The following CLCA4 variants were observed in gnomAD, a reference collection of about 807,000 sequenced individuals.
CLCA4 encodes calcium-activated chloride channel regulator 4.
In CLCA4, 69 loss-of-function variants were observed where a neutral mutation model predicts 78.9. That is an observed-to-expected ratio of 0.87 (90% CI 0.72 to 1.07). The LOEUF (loss-of-function observed/expected upper bound fraction) is 1.07, where lower values mean the gene tolerates loss of function less well. Ranked by LOEUF, CLCA4 falls within the 50% of genes least tolerant of loss-of-function variation. The pLI is 0.00. For synonymous variants in CLCA4, 362 were observed against 375.8 expected, an observed-to-expected ratio of 0.96 and a Z score of 0.42; for missense variants, 1,133 against 1,095.8, an observed-to-expected ratio of 1.03 and a Z score of -0.48.
Position 86,580,493 on chromosome 1 carries a change from G to T in CLCA4, c.*148G>T. 1 of 525,462 alleles carries T rather than the reference G, an allele frequency of 1.9e-6. No individual in the cohort carries two copies. The highest frequency in any genetic ancestry group is 6.8e-5 in the South Asian group (1 of 14,712). 32.5% of individuals were successfully genotyped at this position (525,462 alleles called of 1,614,324 possible). On this transcript the variant is annotated 3_prime_UTR_variant, in exon 14 of 14. Transcript: ENST00000370563. ...AAATAATTTTAAGATGTCGGAAAAG[G>T]ATACTTTGATTAAATAAAAACACTC... is the stretch of plus-strand genomic sequence containing the variant.
chr1:86,555,777 A>G (rs1024338999), intron 1 of CLCA4, among the ~76,000 whole-genome samples: 10 of 152,160 alleles, frequency 6.6e-5, no homozygotes, highest in Non-Finnish European at 1.5e-4. Flanking sequence ...GAATCTATAA[A>G]TTGCTTTGGG....
At chr1:86,566,100 T>C (rs1168835391) in intron 6 of CLCA4, 80 bp downstream of exon 6, 1 of 1,201,446 alleles carries the variant, frequency 8.3e-7, no homozygotes, top group Non-Finnish European at 1.2e-6. Context: ...TGCACCTAGA[T>C]TGTTCTAAAT....
chr1:86,565,475 C>T, intron 5 of CLCA4, 24 bp downstream of exon 5: 1 of 1,505,656 alleles, frequency 6.6e-7, no homozygotes, highest in Non-Finnish European at 9.0e-7. Flanking sequence ...TAATTGCTTC[C>T]AGAATTTATA....
chr1:86,552,909 C>T, intron 1 of CLCA4: 1 of 675,192 alleles, frequency 1.5e-6, no homozygotes, highest in Non-Finnish European at 2.7e-6. Flanking sequence ...ATCCATCTCC[C>T]AGACGCTCCT....
At chr1:86,554,861 T>G (rs1342590857) in intron 1 of CLCA4, among the ~76,000 whole-genome samples, 2 of 125,050 alleles carry the variant, frequency 1.6e-5, no homozygotes, top group East Asian at 4.4e-4. Context: ...AAGCATCTGG[T>G]TTTTTTTTTT....
chr1:86,577,876 C>A, intron 11 of CLCA4, 26 bp from the exon 12 acceptor site: 1 of 1,592,926 alleles, frequency 6.3e-7, no homozygotes, highest in Non-Finnish European at 8.6e-7. Flanking sequence ...CTTTACAAGA[C>A]TTTATTCCTT....
intron 6 of CLCA4, 137 bp downstream of exon 6, chr1:86,566,157 A>C: frequency 1.7e-6 from 1 of 574,042 alleles, no homozygotes; most frequent in Non-Finnish European, 2.8e-6. Context: ...CATGACTTCA[A>C]GATACTGCAG....
intron 1 of CLCA4, among the ~76,000 whole-genome samples, chr1:86,557,884 T>C (rs1649898823): frequency 6.6e-6 from 1 of 152,192 alleles, no homozygotes; most frequent in African/African-American, 2.4e-5. Flanking sequence ...TGGGCATATA[T>C]ATATTTAGAA....
At chr1:86,552,949 G>A in intron 1 of CLCA4, 2 of 639,234 alleles carry the variant, frequency 3.1e-6, no homozygotes, top group Non-Finnish European at 5.7e-6. Context: ...CGTCTGTGCT[G>A]AGGTGACTGG....
chr1:86,553,396 G>T, intron 1 of CLCA4: 1 of 464,492 alleles, frequency 2.2e-6, no homozygotes, highest in Non-Finnish European at 3.9e-6. Flanking sequence ...CATCCCACAC[G>T]AAGGCCACAG....
Position 86,547,108 on chromosome 1 carries a change from TA to T in CLCA4, c.-11del, listed in dbSNP as rs766948343. ...AACCAACATTTGAGCCAGGAATAAC[TA>T]GAGAGGAACAATGGGGTTATTCAGA... On this transcript the variant is annotated 5_prime_UTR_variant, in exon 1 of 14. Transcript: ENST00000370563. 5 of 1,595,368 alleles carry T rather than the reference TA, an allele frequency of 3.1e-6. No individual in the cohort carries two copies. The highest frequency in any genetic ancestry group is 4.3e-6 in the Non-Finnish European group (5 of 1,175,566).
chr1:86,567,762 C>A, intron 7 of CLCA4, 111 bp downstream of exon 7: 1 of 829,860 alleles, frequency 1.2e-6, no homozygotes, highest in Non-Finnish European at 1.9e-6. Flanking sequence ...ATAACTAATC[C>A]TAAGAGGCAC....
At chr1:86,574,195 T>G (rs1351866084) in intron 9 of CLCA4, among the ~76,000 whole-genome samples, 1 of 152,068 alleles carries the variant, frequency 6.6e-6, no homozygotes, top group Non-Finnish European at 1.5e-5. Flanking sequence ...ATATATTTAC[T>G]GTCCAGTGCT....
rs1165935174 is a variant in CLCA4, at chr1:86,578,031, C to T, written c.2081C>T (p.Pro694Leu). The T allele has an allele frequency of 4.3e-6, 7 of 1,612,574 alleles. No individual in the cohort carries two copies. In the Admixed American group the frequency reaches 1.2e-4, roughly 27 times the overall value. ...ANTARLKLRPPLNRAAYIPGW... is the reference protein window; with the variant it reads ...ANTARLKLRPLLNRAAYIPGW... Reference sequence around the variant, plus strand: ...ACTGCCAGGCTAAAATTACGGCCTCCACTGAATAGAGCCGCGTACATACCA... The same window carrying T: ...ACTGCCAGGCTAAAATTACGGCCTCTACTGAATAGAGCCGCGTACATACCA... Residue 694 changes from proline (P) to leucine (L), a missense_variant, in exon 12 of 14, where the codon CCA (proline) becomes CTA (leucine). By Grantham distance (98) the Pro-to-Leu change is moderately conservative. Coordinates refer to ENST00000370563, the MANE Select transcript of CLCA4 (RefSeq NM_012128.4).
intron 12 of CLCA4, among the ~76,000 whole-genome samples, chr1:86,578,283 A>G (rs1030628412): frequency 1.3e-5 from 2 of 152,040 alleles, no homozygotes; most frequent in African/African-American, 2.4e-5. Context: ...GCACTCAAAA[A>G]AGGTCAATTA....
chr1:86,557,646 T>A (rs1291911643), intron 1 of CLCA4, among the ~76,000 whole-genome samples: 1 of 152,152 alleles, frequency 6.6e-6, no homozygotes, highest in African/African-American at 2.4e-5. Context: ...TGTGGTTGAG[T>A]TTAGAGTATG....
At chr1:86,557,837 C>A (rs889512652) in intron 1 of CLCA4, among the ~76,000 whole-genome samples, 2 of 152,116 alleles carry the variant, frequency 1.3e-5, no homozygotes, top group Non-Finnish European at 1.5e-5. Flanking sequence ...TTTTACGTCT[C>A]TAAGAACTTG....
chr1:86,551,531 T>C (rs1305733115), intron 1 of CLCA4, among the ~76,000 whole-genome samples: 2 of 152,180 alleles, frequency 1.3e-5, no homozygotes, highest in Non-Finnish European at 2.9e-5. Flanking sequence ...CCTATGACCC[T>C]ACAGATCAAG....
chr1:86,578,540 G>C (rs1019524810), intron 12 of CLCA4, among the ~76,000 whole-genome samples: 1 of 152,014 alleles, frequency 6.6e-6, no homozygotes, highest in Admixed American at 6.6e-5. Flanking sequence ...CCACTTATAA[G>C]TGAGAACACG....
Sources: gnomAD v4.1 joint callset for allele counts (sites outside exome capture counted in the v4.1 genomes callset) on GRCh38, gnomAD v4.1.1 for gene constraint, MANE v1.5 for transcripts, NCBI Gene and HGNC (gene_info 2026-07-23, HGNC 2026-07-21) for gene names.